The following FSD2 variants were observed in gnomAD, a reference collection of about 807,000 sequenced individuals.
FSD2 encodes the protein fibronectin type III and SPRY domain containing 2, also known as fibronectin type III and SPRY domain-containing protein 2.
A neutral mutation model predicts 80.4 loss-of-function variants in FSD2; 71 were observed. The ratio of observed to expected loss-of-function variants is 0.88; its 90% CI spans 0.73 to 1.08. FSD2 has a LOEUF of 1.08. Among genes scored for constraint, FSD2 ranks in the 50% least tolerant of loss-of-function variants. The probability of loss-of-function intolerance (pLI) is 0.00; values close to 1 mark genes in which losing one functional copy is unlikely to be tolerated. For synonymous variants in FSD2, 361 were observed against 329.5 expected, an observed-to-expected ratio of 1.10 and a Z score of -1.03; for missense variants, 923 against 913.8, an observed-to-expected ratio of 1.01 and a Z score of -0.13.
chr15:82,784,712 GA>G (rs1343002413), intron 3 of FSD2, among the ~76,000 whole-genome samples: 1 of 152,156 alleles, frequency 6.6e-6, no homozygotes, highest in Non-Finnish European at 1.5e-5. Flanking sequence ...ACCTTCATGG[GA>G]AATGGGCCTG....
At chr15:82,773,390 C>T (rs2049634422) in intron 6 of FSD2, among the ~76,000 whole-genome samples, 1 of 152,090 alleles carries the variant, frequency 6.6e-6, no homozygotes, top group South Asian at 2.1e-4. Flanking sequence ...CAACAGATGC[C>T]CTGCTAGACG....
At chr15:82,761,627 G>A (rs1292986374) in intron 12 of FSD2, among the ~76,000 whole-genome samples, 1 of 151,640 alleles carries the variant, frequency 6.6e-6, no homozygotes, top group East Asian at 1.9e-4. Context: ...TCTAATTGCT[G>A]TGAGGTGTGG....
At chr15:82,796,410 G>A (rs1320003442) in intron 1 of FSD2, 1 of 153,916 alleles carries the variant, frequency 6.5e-6, no homozygotes, top group Non-Finnish European at 1.5e-5. Flanking sequence ...GTGAACCAAG[G>A]TTGGCTGGCA....
chr15:82,760,799 G>A (rs959161031), intron 12 of FSD2, among the ~76,000 whole-genome samples: 1 of 151,942 alleles, frequency 6.6e-6, no homozygotes, highest in African/African-American at 2.4e-5. Context: ...CTAGCACTTG[G>A]ACTGTAGCTT....
intron 5 of FSD2, among the ~76,000 whole-genome samples, chr15:82,779,273 C>T (rs749971689): frequency 2.2e-4 from 33 of 152,148 alleles, no homozygotes; most frequent in Admixed American, 7.9e-4. Flanking sequence ...GCTTCCTCTC[C>T]ACATGGTCAA....
In FSD2 at chr15:82,769,824, T is replaced by G. The variant is rs1379746158; in HGVS notation, c.1328A>C (p.Gln443Pro). 27 of 1,613,952 alleles carry G rather than the reference T, an allele frequency of 1.7e-5. No individual in the cohort carries two copies. The highest frequency in any genetic ancestry group is 2.3e-5 in the Non-Finnish European group (27 of 1,179,880). The change falls in exon 8 of 13, where the codon CAG becomes CCG. Residue 443 changes from glutamine to proline, a missense_variant. Transcript: ENST00000334574. ...GTGAGCTGTGACCCAAAATTCATACTGGGTATTTGGCACAAGGTTTGTCAC... is the reference window on the plus strand; with the variant it reads ...GTGAGCTGTGACCCAAAATTCATACGGGGTATTTGGCACAAGGTTTGTCAC... The part of the protein sequence containing the change: ...CSVTNLVPNT[Q>P]YEFWVTAHNR...
At chr15:82,771,611 A>T (rs1429468779) in intron 7 of FSD2, among the ~76,000 whole-genome samples, 16 of 152,358 alleles carry the variant, frequency 1.1e-4, no homozygotes. Context: ...GATCACCAGC[A>T]GCCCTTCCAG....
In FSD2 at chr15:82,799,285, A is replaced by G. The variant is rs116021739; in HGVS notation, c.-79+6681T>C. 1.1e-3 allele frequency among the ~76,000 whole-genome samples: 174 copies of G among 152,114 alleles called. 1 individual carries two copies. Among genetic ancestry groups the G allele is most frequent in the African/African-American group, 4.0e-3 (166 of 41,498 alleles). Reference sequence around the variant, plus strand: ...TGACTGCTCCATGCCATTCAATCCTATTGACCCTTCTGTGTCCCCCGGCTC... The same window carrying G: ...TGACTGCTCCATGCCATTCAATCCTGTTGACCCTTCTGTGTCCCCCGGCTC... On this transcript the variant is annotated intron_variant, in intron 1 of 12. Transcript: ENST00000334574.
intron 7 of FSD2, among the ~76,000 whole-genome samples, chr15:82,770,729 A>C (rs529412723): frequency 3.0e-5 from 4 of 131,808 alleles, no homozygotes; most frequent in African/African-American, 1.2e-4. Flanking sequence ...ACTAAGTTGT[A>C]GGGGGTGGGG....
chr15:82,797,549 G>T (rs1036309268), intron 1 of FSD2, among the ~76,000 whole-genome samples: 2 of 152,244 alleles, frequency 1.3e-5, no homozygotes, highest in Middle Eastern at 3.4e-3. Flanking sequence ...GGTGGCTCAC[G>T]CCTGTAATCC....
chr15:82,792,006 T>C (rs540252304), intron 1 of FSD2, among the ~76,000 whole-genome samples: 1 of 152,350 alleles, frequency 6.6e-6, no homozygotes, highest in South Asian at 2.1e-4. Flanking sequence ...TGGCTTCCCA[T>C]TTCATTTGGG....
chr15:82,791,359 C>T (rs2050147404), intron 1 of FSD2, among the ~76,000 whole-genome samples: 1 of 150,960 alleles, frequency 6.6e-6, no homozygotes, highest in African/African-American at 2.4e-5. Context: ...AATTTCACAG[C>T]ATGTATTTTT....
intron 11 of FSD2, among the ~76,000 whole-genome samples, chr15:82,763,338 C>A (rs751326255): frequency 6.6e-6 from 1 of 152,188 alleles, no homozygotes; most frequent in Admixed American, 6.5e-5. Flanking sequence ...GCTACAAGCT[C>A]ACCTTCTAGT....
At chr15:82,803,835 G>C (rs1055823864) in intron 1 of FSD2, among the ~76,000 whole-genome samples, 1 of 152,106 alleles carries the variant, frequency 6.6e-6, no homozygotes, top group Non-Finnish European at 1.5e-5. Context: ...TGGATTCAGA[G>C]AGTCCTGTGT....
intron 1 of FSD2, among the ~76,000 whole-genome samples, chr15:82,796,566 T>A (rs1000526311): frequency 2.0e-5 from 3 of 152,230 alleles, no homozygotes; most frequent in Non-Finnish European, 4.4e-5. Flanking sequence ...TCAGAAACGA[T>A]TCAAGAGAAT....
intron 11 of FSD2, among the ~76,000 whole-genome samples, chr15:82,763,144 C>A (rs1176646556): frequency 1.3e-5 from 2 of 152,176 alleles, no homozygotes. Flanking sequence ...CTCACATTTC[C>A]ACTTGTTGTT....
intron 9 of FSD2, among the ~76,000 whole-genome samples, chr15:82,768,651 A>C (rs930910242): frequency 1.3e-5 from 2 of 152,192 alleles, no homozygotes; most frequent in African/African-American, 4.8e-5. Flanking sequence ...CTAAAACAAC[A>C]ACCACAACAA....
At chr15:82,765,345 T>C (rs1421449335) in intron 10 of FSD2, 47 bp from the exon 11 acceptor site, 1 of 1,611,484 alleles carries the variant, frequency 6.2e-7, no homozygotes, top group Non-Finnish European at 8.5e-7. Context: ...ATCACTTGCT[T>C]TCTCCATGTG....
chr15:82,790,903 C>T (rs527895976), intron 1 of FSD2, among the ~76,000 whole-genome samples: 4 of 150,576 alleles, frequency 2.7e-5, no homozygotes, highest in Non-Finnish European at 4.4e-5. Flanking sequence ...TTTATTAATT[C>T]TTTTTTGTAA....
Sources: gnomAD v4.1 joint callset for allele counts (sites outside exome capture counted in the v4.1 genomes callset) on GRCh38, gnomAD v4.1.1 for gene constraint, MANE v1.5 for transcripts, NCBI Gene and HGNC (gene_info 2026-07-23, HGNC 2026-07-21) for gene names.